Variants in HAAO observed in about 807,000 individuals in gnomAD.
The protein encoded by HAAO is 3-hydroxyanthranilate 3,4-dioxygenase.
Under a neutral mutation model 46.2 loss-of-function variants are expected in HAAO, and 49 were observed. That is an observed-to-expected ratio of 1.06 (90% CI 0.84 to 1.34). The LOEUF (loss-of-function observed/expected upper bound fraction) is 1.34. Among genes scored for constraint, HAAO ranks in the 40% most tolerant of loss-of-function variants. The pLI, the probability that HAAO is intolerant of heterozygous loss-of-function variation, is 0.00. For missense variants in HAAO, 408 were observed against 364.5 expected, an observed-to-expected ratio of 1.12 and a Z score of -0.97; for synonymous variants, 157 against 145.2, an observed-to-expected ratio of 1.08 and a Z score of -0.58.
At chr2:42,790,692 C>T (rs946945316) in intron 1 of HAAO, among the ~76,000 whole-genome samples, 1 of 151,952 alleles carries the variant, frequency 6.6e-6, no homozygotes, top group Non-Finnish European at 1.5e-5. Context: ...CCACCACGCC[C>T]AGGTAATTTT....
At chr2:42,768,047 C>CCA in intron 7 of HAAO, 119 bp from the exon 8 acceptor site, 1 of 822,714 alleles carries the variant, frequency 1.2e-6, no homozygotes, top group South Asian at 1.5e-5. Context: ...TGAAACAGCC[C>CCA]CATCACCATG....
intron 4 of HAAO, among the ~76,000 whole-genome samples, chr2:42,777,303 C>CAAAAAAAAA (rs1215772853): frequency 2.9e-3 from 114 of 39,524 alleles, no homozygotes; most frequent in Non-Finnish European, 3.2e-3. Context: ...ACTCTTATCG[C>CAAAAAAAAA]AAAAAAAAAA....
intron 3 of HAAO, 147 bp downstream of exon 3, chr2:42,783,637 G>A (rs1036111273): frequency 2.7e-5 from 20 of 730,188 alleles, no homozygotes; most frequent in Non-Finnish European, 4.5e-5. Context: ...GGAAGGATGG[G>A]GAAGGGGCAG....
intron 6 of HAAO, 60 bp downstream of exon 6, chr2:42,770,083 A>T (rs1173232538): frequency 8.6e-6 from 13 of 1,511,046 alleles, no homozygotes; most frequent in Non-Finnish European, 1.2e-5. Context: ...CTGGACCAAA[A>T]CCCATCCTAT....
intron 4 of HAAO, among the ~76,000 whole-genome samples, chr2:42,777,555 G>T (rs1387355143): frequency 6.6e-6 from 1 of 152,046 alleles, no homozygotes; most frequent in East Asian, 1.9e-4. Context: ...AAGCAAGATG[G>T]AATCAGTTAG....
At chr2:42,791,864 C>G (rs905274633) in intron 1 of HAAO, among the ~76,000 whole-genome samples, 3 of 151,826 alleles carry the variant, frequency 2.0e-5, no homozygotes, top group South Asian at 2.1e-4. Context: ...GATGGCCAAC[C>G]CTGTTGGGTG....
chr2:42,776,634 T>C (rs74623274), intron 4 of HAAO, among the ~76,000 whole-genome samples: 5 of 137,350 alleles, frequency 3.6e-5, no homozygotes, highest in Non-Finnish European at 7.9e-5. Flanking sequence ...AGTTGTTTCC[T>C]TTTTTTTTTT....
chr2:42,779,750 A>G (rs1573931617), intron 4 of HAAO, among the ~76,000 whole-genome samples: 1 of 152,350 alleles, frequency 6.6e-6, no homozygotes, highest in African/African-American at 2.4e-5. Flanking sequence ...TGTGATATCA[A>G]GAGTTTTAAA....
chr2:42,788,736 G>A (rs1672572313), intron 1 of HAAO, 129 bp from the exon 2 acceptor site: 1 of 699,612 alleles, frequency 1.4e-6, no homozygotes, highest in Non-Finnish European at 2.6e-6. Flanking sequence ...TGGCCTCACT[G>A]TCCCTGTTCC....
chr2:42,770,350 G>A, intron 5 of HAAO, 143 bp downstream of exon 5: 1 of 876,236 alleles, frequency 1.1e-6, no homozygotes, highest in Non-Finnish European at 1.8e-6. Flanking sequence ...CAGCGGGGCT[G>A]CTGCTCCCCC....
At position 42,767,459 on chromosome 2, in the gene HAAO, G is replaced by T; in HGVS notation, c.839C>A (p.Ala280Asp). 1.9e-6 allele frequency: 3 copies of T among 1,613,024 alleles called. No individual in the cohort carries two copies. The highest frequency in any genetic ancestry group is 1.3e-5 in the African/African-American group (1 of 75,030). The change falls in exon 10 of 10, where the codon GCC (alanine) becomes GAC (aspartate). Residue 280 changes from alanine (A) to aspartate (D), a missense_variant. Coordinates refer to ENST00000294973, the MANE Select transcript of HAAO (RefSeq NM_012205.3). ...GGGTCACCCCAGGGGCTTCTTGCAG[G>T]CAGGGTCCTGGGTCACAGACAGGGC... ...SVALSVTQDP[A>D]CKKPLG is the part of the protein sequence containing the mutation.
Position 42,783,421 on chromosome 2 carries a change from C to G in HAAO, c.244-1G>C. On this transcript the variant is annotated splice_acceptor_variant, in intron 3 of 9. Coordinates refer to ENST00000294973, the MANE Select transcript of HAAO (RefSeq NM_012205.3). LOFTEE classifies it high-confidence loss of function. ...GCACCCTGGCAGGCAGGAGGAATAT[C>G]TGCAGTGGTAGAGATAAGGTGCACA... The G allele has an allele frequency of 3.8e-6, 6 of 1,583,034 alleles. No homozygotes were observed. The highest frequency in any genetic ancestry group is 2.6e-6 in the Non-Finnish European group (3 of 1,152,882).
At chr2:42,789,440 G>A (rs1484913902) in intron 1 of HAAO, among the ~76,000 whole-genome samples, 1 of 152,104 alleles carries the variant, frequency 6.6e-6, no homozygotes, top group Non-Finnish European at 1.5e-5. Flanking sequence ...CCTGGTGGTG[G>A]GCACCTGTAA....
At chr2:42,780,442 G>A (rs992199618) in intron 4 of HAAO, among the ~76,000 whole-genome samples, 67 of 151,866 alleles carry the variant, frequency 4.4e-4, no homozygotes, top group Admixed American at 4.3e-3. Flanking sequence ...TCTTGACCTC[G>A]TGATCCACCC....
At chr2:42,770,355 T>TC (rs947903434) in intron 5 of HAAO, 138 bp downstream of exon 5, 5 of 868,440 alleles carry the variant, frequency 5.8e-6, no homozygotes, top group South Asian at 3.3e-5. Context: ...GGGCTGCTGC[T>TC]CCCCCCTCCC....
chr2:42,782,659 A>G (rs1672089201), intron 4 of HAAO: 1 of 166,370 alleles, frequency 6.0e-6, no homozygotes, highest in African/African-American at 2.4e-5. Context: ...CCCCCATTCG[A>G]TGCAAAGTTA....
Position 42,788,526 on chromosome 2 carries a change from T to C in HAAO, c.159+3A>G, listed in dbSNP as rs1672556892. 6.3e-7 allele frequency: 1 copy of C among 1,590,642 alleles called. No individual in the cohort carries two copies. The highest frequency in any genetic ancestry group is 1.3e-5 in the African/African-American group (1 of 74,424). ...TAGATCCAGGGAGACCAGTCAAACCTACCTCTTCACCCTCTTCGATGTGAT... is the reference window on the plus strand; with the variant it reads ...TAGATCCAGGGAGACCAGTCAAACCCACCTCTTCACCCTCTTCGATGTGAT... On this transcript the variant is annotated splice_donor_region_variant and intron_variant, in intron 2 of 9. Transcript: ENST00000294973.
intron 4 of HAAO, chr2:42,782,837 C>T (rs1276236563): frequency 2.2e-6 from 1 of 446,040 alleles, no homozygotes. Flanking sequence ...CCTTTCCAGA[C>T]AGAACCAATG....
At chr2:42,780,404 C>T (rs1263391870) in intron 4 of HAAO, among the ~76,000 whole-genome samples, 2 of 151,840 alleles carry the variant, frequency 1.3e-5, no homozygotes, top group Non-Finnish European at 2.9e-5. Flanking sequence ...GATGGGGTTT[C>T]AACATGTTGG....
Sources: allele counts gnomAD v4.1 joint callset (sites outside exome capture counted in the v4.1 genomes callset), GRCh38; gene constraint gnomAD v4.1.1; transcripts MANE v1.5; gene names NCBI Gene and HGNC (gene_info 2026-07-23, HGNC 2026-07-21).